Variants in KCNMA1 observed in about 807,000 individuals in gnomAD.
KCNMA1 encodes the protein Calcium-activated potassium channel subunit alpha-1.
Under a neutral mutation model 140.0 loss-of-function variants are expected in KCNMA1, and 29 were observed. That is an observed-to-expected ratio of 0.21 (90% confidence interval 0.15 to 0.28). The LOEUF (loss-of-function observed/expected upper bound fraction) is 0.28. Ranked by LOEUF, KCNMA1 falls within the 10% of genes least tolerant of loss-of-function variation. The pLI, the probability that KCNMA1 is intolerant of heterozygous loss-of-function variation, is 1.00. For missense variants in KCNMA1, 880 were observed against 1,602.2 expected (o/e 0.55, Z 7.70); for synonymous variants, 612 against 611.9 (o/e 1.00, Z 0.00).
intron 3 of KCNMA1, among the ~76,000 whole-genome samples, chr10:77,213,056 T>C (rs2046592319): frequency 6.6e-6 from 1 of 152,192 alleles, no homozygotes; most frequent in South Asian, 2.1e-4. Flanking sequence ...CGTTTATTTC[T>C]GCAATTGGTG....
chr10:77,309,085 G>A (rs781272384), intron 2 of KCNMA1, among the ~76,000 whole-genome samples: 4 of 152,308 alleles, frequency 2.6e-5, no homozygotes, highest in East Asian at 1.9e-4. Flanking sequence ...GGCCAACCAC[G>A]TGCCGGCAGA....
At chr10:76,950,605 A>G (rs1254860904) in intron 21 of KCNMA1, among the ~76,000 whole-genome samples, 1 of 152,198 alleles carries the variant, frequency 6.6e-6, no homozygotes, top group Non-Finnish European at 1.5e-5. Context: ...TGTGGCTTAC[A>G]ATGCTTTGGG....
chr10:77,394,370 A>G (rs750153722), intron 2 of KCNMA1, among the ~76,000 whole-genome samples: 9 of 152,198 alleles, frequency 5.9e-5, no homozygotes, highest in Non-Finnish European at 8.8e-5. Flanking sequence ...AGCCCAGCAC[A>G]TGGCTCGAGG....
At chr10:76,932,981 G>A (rs763270403) in intron 23 of KCNMA1, among the ~76,000 whole-genome samples, 3 of 152,108 alleles carry the variant, frequency 2.0e-5, no homozygotes, top group South Asian at 4.1e-4. Context: ...TACATTCAGC[G>A]AGGCCAGTCA....
At chr10:77,311,390 T>C (rs908973364) in intron 2 of KCNMA1, among the ~76,000 whole-genome samples, 2 of 151,702 alleles carry the variant, frequency 1.3e-5, no homozygotes, top group Non-Finnish European at 2.9e-5. Flanking sequence ...CAACAGATGC[T>C]CCCTCCTCCC....
intron 22 of KCNMA1, among the ~76,000 whole-genome samples, chr10:76,948,002 GT>G (rs60575836): frequency 1.6e-4 from 3 of 19,006 alleles, no homozygotes; most frequent in African/African-American, 5.8e-4. Flanking sequence ...GTTGTTTCTT[GT>G]TTTGTTTTTG....
intron 15 of KCNMA1, among the ~76,000 whole-genome samples, chr10:77,029,836 C>G (rs1335634365): frequency 2.0e-5 from 3 of 152,128 alleles, no homozygotes; most frequent in Non-Finnish European, 2.9e-5. Context: ...AAGACTGCAG[C>G]TGAGTGAGCA....
chr10:77,247,375 GT>G lies in KCNMA1; in HGVS notation c.602+3819del, dbSNP rs547584022. Among the ~76,000 whole-genome samples, 391 of 151,920 alleles carry G rather than the reference GT, an allele frequency of 2.6e-3. 3 individuals carry two copies. The highest frequency in any genetic ancestry group is 9.0e-3 in the African/African-American group (374 of 41,426). ...CTCATGCTGACACTGGTGGGTCTTT[GT>G]TTTTTTTCCTTATCTGTTAGATAAG... On this transcript the variant is annotated intron_variant, in intron 3 of 27. Coordinates refer to ENST00000286628, the MANE Select transcript of KCNMA1 (RefSeq NM_001161352.2).
chr10:77,425,726 A>G (rs1019289680), intron 1 of KCNMA1, among the ~76,000 whole-genome samples: 1 of 152,088 alleles, frequency 6.6e-6, no homozygotes, highest in Non-Finnish European at 1.5e-5. Flanking sequence ...AGTCCTAATG[A>G]TTCTGGTATT....
chr10:77,294,893 TG>T (rs1206509813), intron 2 of KCNMA1, among the ~76,000 whole-genome samples: 1 of 152,048 alleles, frequency 6.6e-6, no homozygotes, highest in African/African-American at 2.4e-5. Context: ...CACTCCAGCC[TG>T]GACAACAGAG....
chr10:77,494,835 G>T (rs1360138412), intron 1 of KCNMA1, among the ~76,000 whole-genome samples: 2 of 152,308 alleles, frequency 1.3e-5, no homozygotes, highest in African/African-American at 2.4e-5. Flanking sequence ...GGGCTGTGAG[G>T]GCACATGTGT....
intron 1 of KCNMA1, among the ~76,000 whole-genome samples, chr10:77,532,187 C>T (rs1392279036): frequency 6.6e-6 from 1 of 152,228 alleles, no homozygotes; most frequent in Admixed American, 6.5e-5. Context: ...AAAGAAGGGG[C>T]TGGCCATGCA....
chr10:77,451,858 A>G (rs1177923543), intron 1 of KCNMA1, among the ~76,000 whole-genome samples: 2 of 152,148 alleles, frequency 1.3e-5, no homozygotes, highest in Non-Finnish European at 2.9e-5. Context: ...GTTTGTGGAG[A>G]GTCACAAAAC....
At chr10:77,094,168 T>C (rs1165353024) in intron 9 of KCNMA1, among the ~76,000 whole-genome samples, 2 of 152,306 alleles carry the variant, frequency 1.3e-5, no homozygotes, top group South Asian at 2.1e-4. Flanking sequence ...CTGTGGCCTA[T>C]GCAATCCCAC....
At chr10:77,088,847 C>T (rs1382562405) in intron 10 of KCNMA1, among the ~76,000 whole-genome samples, 1 of 152,234 alleles carries the variant, frequency 6.6e-6, no homozygotes, top group African/African-American at 2.4e-5. Flanking sequence ...CCGGGTAATA[C>T]CATAGACTGA....
chr10:77,303,918 T>A (rs2077085103), intron 2 of KCNMA1, among the ~76,000 whole-genome samples: 1 of 152,246 alleles, frequency 6.6e-6, no homozygotes, highest in Non-Finnish European at 1.5e-5. Context: ...CAAAACATCA[T>A]CAGCTTTTCA....
chr10:77,184,276 G>A (rs1192434917), intron 4 of KCNMA1, among the ~76,000 whole-genome samples: 1 of 152,176 alleles, frequency 6.6e-6, no homozygotes, highest in Non-Finnish European at 1.5e-5. Flanking sequence ...CTGGAGTGCA[G>A]TGGCGTGATT....
intron 1 of KCNMA1, among the ~76,000 whole-genome samples, chr10:77,553,718 G>A (rs904529077): frequency 6.6e-6 from 1 of 152,220 alleles, no homozygotes; most frequent in Admixed American, 6.5e-5. Context: ...CCCACCCCAG[G>A]TTCAAGGTCA....
intron 1 of KCNMA1, among the ~76,000 whole-genome samples, chr10:77,486,248 C>A (rs1380354701): frequency 3.3e-5 from 5 of 152,142 alleles, no homozygotes; most frequent in African/African-American, 1.2e-4. Flanking sequence ...CTCAACCTCA[C>A]CTCATCTCCT....
Sources: gnomAD v4.1 joint callset for allele counts (sites outside exome capture counted in the v4.1 genomes callset) on GRCh38, gnomAD v4.1.1 for gene constraint, MANE v1.5 for transcripts, NCBI Gene and HGNC (gene_info 2026-07-23, HGNC 2026-07-21) for gene names.